IRS1: variants seen among roughly 807,000 people sequenced by gnomAD.
IRS1 encodes the protein insulin receptor substrate 1.
In IRS1, 34 loss-of-function variants were observed where a neutral mutation model predicts 65.6. That is an observed-to-expected ratio of 0.52 (90% CI 0.39 to 0.69). IRS1 has a LOEUF of 0.69. Among genes scored for constraint, IRS1 ranks in the 30% least tolerant of loss-of-function variants. The probability of loss-of-function intolerance (pLI) is 0.00; values close to 1 mark genes in which losing one functional copy is unlikely to be tolerated. For missense variants in IRS1, 1,641 were observed against 1,720.2 expected (o/e 0.95, Z 0.81); for synonymous variants, 699 against 683.5 (o/e 1.02, Z -0.35).
intron 1 of IRS1, among the ~76,000 whole-genome samples, chr2:226,761,374 G>A (rs139831333): frequency 6.6e-6 from 1 of 152,282 alleles, no homozygotes; most frequent in African/African-American, 2.4e-5. Context: ...CATTCTGGGT[G>A]TGAAAACAAT....
intron 1 of IRS1, among the ~76,000 whole-genome samples, chr2:226,760,624 C>G (rs567391652): frequency 2.9e-4 from 44 of 152,254 alleles, no homozygotes; most frequent in African/African-American, 7.2e-5. Flanking sequence ...AACCCCACCC[C>G]CCTCCACAAA....
intron 1 of IRS1, among the ~76,000 whole-genome samples, chr2:226,755,546 T>C (rs537950644): frequency 4.6e-5 from 7 of 152,378 alleles, no homozygotes; most frequent in South Asian, 2.1e-4. Context: ...TTCCTTATTA[T>C]AGAGCATAGA....
intron 1 of IRS1, among the ~76,000 whole-genome samples, chr2:226,776,081 TAAAC>T (rs1265768908): frequency 6.6e-6 from 1 of 151,820 alleles, no homozygotes; most frequent in African/African-American, 2.4e-5. Flanking sequence ...GGGCAGGAAA[TAAAC>T]AAGGTGATCC....
At position 226,769,525 on chromosome 2, in the gene IRS1, A is replaced by G. The variant is rs1165163341; in HGVS notation, c.*21+25464T>C. ...AGGCTGTCCTTCCAGCCAACCAGACATGGATGGAAGATCTAGACATGCAGA... is the reference window on the plus strand; with the variant it reads ...AGGCTGTCCTTCCAGCCAACCAGACGTGGATGGAAGATCTAGACATGCAGA... On this transcript the variant is annotated intron_variant, in intron 1 of 1. Transcript: ENST00000305123. Among the ~76,000 whole-genome samples the G allele has an allele frequency of 3.3e-5, 5 of 152,202 alleles. No individual in the cohort carries two copies. The East Asian group carries it at 5.8e-4, about 18-fold the overall frequency.
chr2:226,796,090 G>A lies in IRS1; in HGVS notation c.2649C>T (p.Pro883=), dbSNP rs1311239836. ...TCTTGGGCTCTGGAGGGTGCAGCAA[G>A]GGCTGCTGCTGCTGCTGCTGCTCTC... ...RAREQQQQQQ[P]LLHPPEPKSP... is the part of the protein sequence containing the mutation. Residue 883 remains proline, a synonymous_variant, in exon 1 of 2, where the codon CCC becomes CCT. Transcript: ENST00000305123. 1.2e-6 allele frequency: 2 copies of A among 1,613,772 alleles called. No individual in the cohort carries two copies. Among genetic ancestry groups the A allele is most frequent in the African/African-American group, 2.7e-5 (2 of 74,942 alleles).
intron 1 of IRS1, among the ~76,000 whole-genome samples, chr2:226,778,244 T>TG (rs1193315454): frequency 1.4e-4 from 22 of 152,204 alleles, no homozygotes; most frequent in African/African-American, 5.1e-4. Context: ...TCATGATTTT[T>TG]AAAAAAGGCT....
At chr2:226,737,500 G>C (rs1458471433) in intron 1 of IRS1, among the ~76,000 whole-genome samples, 1 of 152,158 alleles carries the variant, frequency 6.6e-6, no homozygotes, top group Non-Finnish European at 1.5e-5. Context: ...ATTTAGCAGA[G>C]AGTAGATCAG....
chr2:226,798,745 ACCG>A lies in IRS1; in HGVS notation c.-10_-8del. ...TCTCCGGAGGGCTCGCCATGCTGCC[ACCG>A]CCACCACCAACGCTGAGCAGAGGGA... On this transcript the variant is annotated 5_prime_UTR_variant, in exon 1 of 2. Transcript: ENST00000305123. The surrounding 1 kb of genome is among the most constrained non-coding windows in gnomAD (Gnocchi z 9.4). 6.2e-7 allele frequency: 1 copy of A among 1,608,662 alleles called. No homozygotes were observed. The highest frequency in any genetic ancestry group is 1.3e-5 in the African/African-American group (1 of 74,952).
chr2:226,789,705 G>C (rs987939519), intron 1 of IRS1, among the ~76,000 whole-genome samples: 1 of 152,190 alleles, frequency 6.6e-6, no homozygotes, highest in Non-Finnish European at 1.5e-5. Flanking sequence ...ATAGTGTGGG[G>C]AGGGGTGGGA....
At chr2:226,764,077 AAC>A (rs898638492) in intron 1 of IRS1, among the ~76,000 whole-genome samples, 153 of 152,176 alleles carry the variant, frequency 1.0e-3, no homozygotes, top group African/African-American at 3.3e-3. Context: ...ACTTCAGCAG[AAC>A]ACACTCCAAG....
chr2:226,766,140 TA>T lies in IRS1; in HGVS notation c.*21+28848del, dbSNP rs1939032881. On this transcript the variant is annotated intron_variant, in intron 1 of 1. Coordinates refer to ENST00000305123, the MANE Select transcript of IRS1 (RefSeq NM_005544.3). ...TTAATCTTATATATATATATATATA[TA>T]TATATATATATATATATATATATTT... 6.1e-3 allele frequency among the ~76,000 whole-genome samples: 26 copies of T among 4,238 alleles called. 3 individuals carry two copies. The highest frequency in any genetic ancestry group is 0.012 in the East Asian group (4 of 336). 2.8% of individuals were successfully genotyped at this position (4,238 alleles called of 152,430 possible).
chr2:226,766,820 T>A (rs1939057820), intron 1 of IRS1, among the ~76,000 whole-genome samples: 1 of 152,210 alleles, frequency 6.6e-6, no homozygotes, highest in Non-Finnish European at 1.5e-5. Flanking sequence ...ATCACTCTCT[T>A]GCCACCATTC....
At position 226,797,425 on chromosome 2, in the gene IRS1, G is replaced by A. The variant is rs1239358220; in HGVS notation, c.1314C>T (p.Phe438=). 6.2e-7 allele frequency: 1 copy of A among 1,613,036 alleles called. No individual in the cohort carries two copies. The highest frequency in any genetic ancestry group is 1.7e-5 in the Admixed American group (1 of 59,978). ...GAGTGACACTGCGGAAGGAACTCCG[G>A]AAATCGCAGGGACTGGAGCCATACT... The part of the protein sequence containing the change: ...SDEYGSSPCD[F]RSSFRSVTPD... The change falls in exon 1 of 2, where the codon TTC becomes TTT. Residue 438 remains phenylalanine (F), a synonymous_variant. Transcript: ENST00000305123. This position sits in a 1 kb window ranked among gnomAD's most constrained non-coding sequence, Gnocchi z 8.1.
chr2:226,755,415 A>G (rs531965853), intron 1 of IRS1, among the ~76,000 whole-genome samples: 1 of 152,244 alleles, frequency 6.6e-6, no homozygotes, highest in Admixed American at 6.5e-5. Flanking sequence ...GTTTACATAT[A>G]AACAGAGCTA....
At chr2:226,778,261 C>T (rs1484562641) in intron 1 of IRS1, among the ~76,000 whole-genome samples, 1 of 151,966 alleles carries the variant, frequency 6.6e-6, no homozygotes, top group African/African-American at 2.4e-5. Flanking sequence ...GGCTATTTGT[C>T]ACCACTACTA....
chr2:226,762,598 A>G (rs536106956), intron 1 of IRS1, among the ~76,000 whole-genome samples: 1 of 152,336 alleles, frequency 6.6e-6, no homozygotes, highest in Non-Finnish European at 1.5e-5. Context: ...GCCAGACAAT[A>G]CATAAAGAAA....
Position 226,798,209 on chromosome 2 carries a change from T to G in IRS1, c.530A>C (p.Lys177Thr). Residue 177 changes from lysine to threonine, a missense_variant, in exon 1 of 2, where the codon AAG (lysine) becomes ACG (threonine). Lys to Thr is a moderately conservative substitution (Grantham distance 78, BLOSUM62 -1). This residue lies in a region of IRS1 where 77 missense variants were observed against 129.6 expected (regional missense o/e 0.59). Transcript: ENST00000305123. This position sits in a 1 kb window ranked among gnomAD's most constrained non-coding sequence, Gnocchi z 9.4. ...AAGGCGGTAGATACCAATCAGGTTC[T>G]TTGTCTGACCCAGGCCCTTGGGCTT... Reference protein sequence around the residue: ...ILKPKGLGQTKNLIGIYRLCL... With the variant: ...ILKPKGLGQTTNLIGIYRLCL... The G allele has an allele frequency of 6.2e-7, 1 of 1,613,926 alleles. No individual in the cohort carries two copies. Among genetic ancestry groups the G allele is most frequent in the Non-Finnish European group, 8.5e-7 (1 of 1,180,018 alleles).
rs965372046 is a variant in IRS1, at chr2:226,744,940, T to TA, written c.*22-8691dup. 3.6e-3 allele frequency among the ~76,000 whole-genome samples: 521 copies of TA among 145,564 alleles called. 2 individuals carry two copies. The highest frequency in any genetic ancestry group is 0.011 in the African/African-American group (446 of 39,858). ...GGATTCTTTGAAGCGAACTGTTCTT[T>TA]AAAAAAAAAAACAAAGTGGTCTAAC... On this transcript the variant is annotated intron_variant, in intron 1 of 1. Coordinates refer to ENST00000305123, the MANE Select transcript of IRS1 (RefSeq NM_005544.3).
chr2:226,774,026 G>A (rs1574654217), intron 1 of IRS1, among the ~76,000 whole-genome samples: 1 of 152,116 alleles, frequency 6.6e-6, no homozygotes, highest in Non-Finnish European at 1.5e-5. Flanking sequence ...ATAATTCCCT[G>A]TAGTCCAACA....
Sources: allele counts gnomAD v4.1 joint callset (sites outside exome capture counted in the v4.1 genomes callset), GRCh38; gene constraint gnomAD v4.1.1; regional missense constraint gnomAD v4.1.1; non-coding constraint Gnocchi (gnomAD v3.1); transcripts MANE v1.5; gene names NCBI Gene and HGNC (gene_info 2026-07-23, HGNC 2026-07-21).